The following BMP6 variants were observed in gnomAD, a reference collection of about 807,000 sequenced individuals.
The protein encoded by BMP6 is VG-1-R.
In BMP6, 17 loss-of-function variants were observed where a neutral mutation model predicts 54.1. The ratio of observed to expected loss-of-function variants is 0.31; its 90% CI spans 0.22 to 0.47. The LOEUF (loss-of-function observed/expected upper bound fraction) is 0.47, where lower values mean the gene tolerates loss of function less well. Ranked by LOEUF, BMP6 falls within the 20% of genes least tolerant of loss-of-function variation. The probability of loss-of-function intolerance (pLI) is 1.00; values close to 1 mark genes in which losing one functional copy is unlikely to be tolerated. For missense variants in BMP6, 720 were observed against 690.4 expected (o/e 1.04, Z -0.48); for synonymous variants, 328 against 291.2 (o/e 1.13, Z -1.28).
At position 7,727,511 on chromosome 6, in the gene BMP6, A is replaced by C; in HGVS notation, c.556A>C (p.Ser186Arg). The C allele has an allele frequency of 6.3e-7, 1 of 1,596,954 alleles. No homozygotes were observed. The highest frequency in any genetic ancestry group is 8.5e-7 in the Non-Finnish European group (1 of 1,177,850). ...CGCCGCGCACCCGCTCAACCGCAAG[A>C]GCCTTCTGGCCCCCGGATCTGGCAG... ...PGAAHPLNRK[S>R]LLAPGSGSGG... The change falls in exon 1 of 7, where the codon AGC becomes CGC. Residue 186 changes from serine to arginine, a missense_variant. By Grantham distance (110) the Ser-to-Arg change is moderately radical. Around this residue, in one of 3 missense-constraint regions of BMP6, gnomAD observed 650 missense variants for 556.3 expected, o/e 1.17. Coordinates refer to ENST00000283147, the MANE Select transcript of BMP6 (RefSeq NM_001718.6).
At chr6:7,837,756 A>G (rs957005302) in intron 1 of BMP6, among the ~76,000 whole-genome samples, 8 of 152,166 alleles carry the variant, frequency 5.3e-5, no homozygotes, top group African/African-American at 1.9e-4. Context: ...TACCCATATA[A>G]CCAAACACGA....
intron 1 of BMP6, among the ~76,000 whole-genome samples, chr6:7,790,316 A>G (rs1758076664): frequency 1.3e-5 from 2 of 151,784 alleles, no homozygotes; most frequent in South Asian, 4.2e-4. Flanking sequence ...GGAGTTTGAG[A>G]CCAGCCTGGG....
At chr6:7,747,453 G>A (rs1757364461) in intron 1 of BMP6, among the ~76,000 whole-genome samples, 1 of 152,194 alleles carries the variant, frequency 6.6e-6, no homozygotes, top group Admixed American at 6.5e-5. Flanking sequence ...GCCGAGGAAT[G>A]CAGTGGCCTC....
intron 1 of BMP6, among the ~76,000 whole-genome samples, chr6:7,813,052 T>G (rs1184944840): frequency 1.7e-5 from 2 of 115,270 alleles, no homozygotes; most frequent in African/African-American, 6.8e-5. Context: ...GTATTCAAGA[T>G]CAGCCTGAGC....
intron 1 of BMP6, among the ~76,000 whole-genome samples, chr6:7,794,621 AG>A (rs1276961345): frequency 2.0e-5 from 3 of 149,382 alleles, no homozygotes; most frequent in Admixed American, 6.7e-5. Flanking sequence ...AAAAAAAAAA[AG>A]GAGAAGAAGA....
chr6:7,785,580 G>C (rs1758008750), intron 1 of BMP6, among the ~76,000 whole-genome samples: 1 of 152,216 alleles, frequency 6.6e-6, no homozygotes, highest in African/African-American at 2.4e-5. Flanking sequence ...AGCTATTAAA[G>C]GAATAAATGG....
At chr6:7,736,503 G>A (rs1301777607) in intron 1 of BMP6, among the ~76,000 whole-genome samples, 1 of 152,188 alleles carries the variant, frequency 6.6e-6, no homozygotes, top group African/African-American at 2.4e-5. Flanking sequence ...ACTTTAAAAG[G>A]CTTCCTCAGG....
intron 1 of BMP6, among the ~76,000 whole-genome samples, chr6:7,770,951 G>A (rs1450180133): frequency 1.3e-5 from 2 of 152,214 alleles, no homozygotes; most frequent in Non-Finnish European, 2.9e-5. Context: ...AGCATTGAGA[G>A]TCATTGAGTT....
chr6:7,826,562 G>A (rs535151046), intron 1 of BMP6, among the ~76,000 whole-genome samples: 2 of 152,348 alleles, frequency 1.3e-5, no homozygotes, highest in South Asian at 4.1e-4. Context: ...CAGACCATCA[G>A]TTGCGCTGAT....
At chr6:7,853,384 G>A (rs1000187386) in intron 2 of BMP6, among the ~76,000 whole-genome samples, 1 of 152,192 alleles carries the variant, frequency 6.6e-6, no homozygotes, top group Non-Finnish European at 1.5e-5. Flanking sequence ...CTGGAAACAA[G>A]ATCGGGACCC....
chr6:7,755,912 G>A (rs1757507948), intron 1 of BMP6, among the ~76,000 whole-genome samples: 1 of 151,972 alleles, frequency 6.6e-6, no homozygotes, highest in East Asian at 1.9e-4. Context: ...TGGTTCCTTT[G>A]TACATAAATT....
Position 7,856,652 on chromosome 6 carries a change from A to G in BMP6, c.858-4799A>G, listed in dbSNP as rs974282035. Among the ~76,000 whole-genome samples, 8 of 120,924 alleles carry G rather than the reference A, an allele frequency of 6.6e-5. 1 individual carries two copies. In the South Asian group the frequency reaches 2.2e-3, roughly 33 times the overall value. 79.3% of individuals were successfully genotyped at this position (120,924 alleles called of 152,430 possible). A position where few individuals can be genotyped will look rare whatever the true frequency, so the allele number is the denominator to read the frequency against. The stretch of plus-strand genomic sequence containing the variant: ...CGCTCTGTCGCCCAGGCTGGAGTGC[A>G]GTGGCGGGATCTCGGCTCACTGCAA... On this transcript the variant is annotated intron_variant, in intron 2 of 6. Transcript: ENST00000283147.
intron 1 of BMP6, among the ~76,000 whole-genome samples, chr6:7,804,222 T>C (rs1758313124): frequency 6.6e-6 from 1 of 152,186 alleles, no homozygotes; most frequent in Non-Finnish European, 1.5e-5. Context: ...TCAAGGATTA[T>C]CCCACACTGT....
At chr6:7,786,413 T>C (rs1435627724) in intron 1 of BMP6, among the ~76,000 whole-genome samples, 1 of 151,892 alleles carries the variant, frequency 6.6e-6, no homozygotes, top group Non-Finnish European at 1.5e-5. Context: ...GTGCTACAGA[T>C]GTTTTACAGT....
intron 1 of BMP6, among the ~76,000 whole-genome samples, chr6:7,819,661 G>A (rs950792576): frequency 1.3e-5 from 2 of 152,172 alleles, no homozygotes; most frequent in Non-Finnish European, 2.9e-5. Flanking sequence ...TGGAAATCCT[G>A]CTTAGTTGTA....
chr6:7,864,800 G>A (rs1759393677), intron 4 of BMP6, among the ~76,000 whole-genome samples: 1 of 152,178 alleles, frequency 6.6e-6, no homozygotes, highest in Non-Finnish European at 1.5e-5. Flanking sequence ...CAGGGTTGGG[G>A]TTTTTGAAAA....
chr6:7,810,138 A>G (rs1191736362), intron 1 of BMP6, among the ~76,000 whole-genome samples: 2 of 152,190 alleles, frequency 1.3e-5, no homozygotes, highest in Non-Finnish European at 2.9e-5. Flanking sequence ...TTAAAGTCAT[A>G]TTCAAATAGA....
chr6:7,875,075 C>T (rs1759587800), intron 4 of BMP6, among the ~76,000 whole-genome samples: 1 of 152,102 alleles, frequency 6.6e-6, no homozygotes, highest in African/African-American at 2.4e-5. Flanking sequence ...GGCTTGAGAA[C>T]CAGGTGAGCC....
At chr6:7,837,726 G>A (rs969921786) in intron 1 of BMP6, among the ~76,000 whole-genome samples, 5 of 151,868 alleles carry the variant, frequency 3.3e-5, no homozygotes, top group Admixed American at 6.6e-5. Flanking sequence ...CAAAATCTCC[G>A]AACCCACCAC....
Sources: allele counts gnomAD v4.1 joint callset (sites outside exome capture counted in the v4.1 genomes callset), GRCh38; gene constraint gnomAD v4.1.1; regional missense constraint gnomAD v4.1.1; transcripts MANE v1.5; gene names NCBI Gene and HGNC (gene_info 2026-07-23, HGNC 2026-07-21).